MINPP1: variants seen among roughly 807,000 people sequenced by gnomAD.
MINPP1 encodes multiple inositol polyphosphate phosphatase 1.
MINPP1 carries 28 observed loss-of-function variants against 46.1 expected under a neutral mutation model. That is an observed-to-expected ratio of 0.61 (90% confidence interval 0.45 to 0.83). The LOEUF (loss-of-function observed/expected upper bound fraction) is 0.83, where lower values mean the gene tolerates loss of function less well. MINPP1 is among the 40% of genes least tolerant of loss of function. The pLI, the probability that MINPP1 is intolerant of heterozygous loss-of-function variation, is 0.00. For synonymous variants in MINPP1, 268 were observed against 249.1 expected (o/e 1.08, Z -0.72); for missense variants, 603 against 610.0 (o/e 0.99, Z 0.12).
intron 4 of MINPP1, among the ~76,000 whole-genome samples, chr10:87,541,061 G>A (rs1035923059): frequency 1.3e-5 from 2 of 152,082 alleles, no homozygotes; most frequent in Non-Finnish European, 2.9e-5. Context: ...CTCCATTTTT[G>A]GTGTCTGTAT....
intron 4 of MINPP1, among the ~76,000 whole-genome samples, chr10:87,540,569 A>G (rs1376717658): frequency 4.0e-5 from 6 of 151,652 alleles, no homozygotes; most frequent in Admixed American, 1.3e-4. Flanking sequence ...GCTCATACCC[A>G]TTTATTGTTG....
At position 87,504,976 on chromosome 10, in the gene MINPP1, G is replaced by C. The variant is rs775213928; in HGVS notation, c.61G>C (p.Ala21Pro). ...CGTAGCGCCTGCCGCGGCCCTGGCT[G>C]CGGCGCTGCTCTCGTCGCTTGCGCG... ...TSVAPAAALA[A>P]ALLSSLARCS... Residue 21 changes from alanine (A) to proline (P), a missense_variant, in exon 1 of 5, where the codon GCG (alanine) becomes CCG (proline). Ala to Pro is a conservative substitution (Grantham distance 27, BLOSUM62 -1). Transcript: ENST00000371996. The C allele has an allele frequency of 1.2e-6, 2 of 1,612,106 alleles. No individual in the cohort carries two copies. The highest frequency in any genetic ancestry group is 2.2e-5 in the South Asian group (2 of 90,940).
At chr10:87,515,123 A>T (rs1342039303) in intron 3 of MINPP1, among the ~76,000 whole-genome samples, 1 of 151,946 alleles carries the variant, frequency 6.6e-6, no homozygotes, top group Non-Finnish European at 1.5e-5. Flanking sequence ...GTGGTGGTTC[A>T]TGCCTGTAAT....
chr10:87,547,930 A>G (rs1306069071), intron 4 of MINPP1, among the ~76,000 whole-genome samples: 1 of 152,204 alleles, frequency 6.6e-6, no homozygotes, highest in Non-Finnish European at 1.5e-5. Context: ...CTCAAATCCA[A>G]CAGCTTTGCA....
chr10:87,552,337 G>C lies in MINPP1; in HGVS notation c.1323G>C (p.Lys441Asn). Residue 441 changes from lysine (K) to asparagine (N), a missense_variant, in exon 5 of 5, where the codon AAG (lysine) becomes AAC (asparagine). By Grantham distance (94) the Lys-to-Asn change is moderately conservative (BLOSUM62 0). Coordinates refer to ENST00000371996, the MANE Select transcript of MINPP1 (RefSeq NM_004897.5). ...QFRVQMLLNE[K>N]VLPLAYSQET... is the part of the protein sequence containing the mutation. Reference sequence around the variant, plus strand: ...GAGTGCAGATGTTATTAAATGAAAAGGTGTTACCTTTGGCTTACTCACAAG... The same window carrying C: ...GAGTGCAGATGTTATTAAATGAAAACGTGTTACCTTTGGCTTACTCACAAG... 6.2e-7 allele frequency: 1 copy of C among 1,613,750 alleles called. No individual in the cohort carries two copies. Among genetic ancestry groups the C allele is most frequent in the South Asian group, 1.1e-5 (1 of 91,066 alleles).
rs767389525 is a variant in MINPP1 at position 87,505,423 on chromosome 10, A to G, written c.508A>G (p.Ser170Gly). ...RLASLFPALF[S>G]RENYGRLRLI... ...GGCCTCGCTCTTCCCGGCCCTTTTC[A>G]GCCGTGAGAACTACGGCCGCCTGCG... Residue 170 changes from serine to glycine, a missense_variant, in exon 1 of 5, where the codon AGC becomes GGC. Ser to Gly is a moderately conservative substitution (Grantham distance 56). Coordinates refer to ENST00000371996, the MANE Select transcript of MINPP1 (RefSeq NM_004897.5). The surrounding 1 kb of genome is among the most constrained non-coding windows in gnomAD (Gnocchi z 4.4). 1 of 1,613,724 alleles carries G rather than the reference A, an allele frequency of 6.2e-7. No homozygotes were observed.
rs1020867406 is a variant in MINPP1, at chr10:87,535,342, T to C, written c.1067+14173T>C. Among the ~76,000 whole-genome samples the C allele has an allele frequency of 4.6e-5, 7 of 152,236 alleles. No individual in the cohort carries two copies. The East Asian group carries it at 7.7e-4, about 17-fold the overall frequency. On this transcript the variant is annotated intron_variant, in intron 4 of 4. Coordinates refer to ENST00000371996, the MANE Select transcript of MINPP1 (RefSeq NM_004897.5). ...CATGTATGTCTGTGTACCACACAAA[T>C]ACATGTAAAGACACATTTATCTTTT...
At chr10:87,525,177 A>C (rs1291065270) in intron 4 of MINPP1, among the ~76,000 whole-genome samples, 1 of 152,212 alleles carries the variant, frequency 6.6e-6, no homozygotes, top group African/African-American at 2.4e-5. Context: ...TGCACAATTC[A>C]GTGTTTTAGT....
chr10:87,545,500 C>T (rs1348848491), intron 4 of MINPP1, among the ~76,000 whole-genome samples: 1 of 151,974 alleles, frequency 6.6e-6, no homozygotes, highest in African/African-American at 2.4e-5. Flanking sequence ...AAAAAATATG[C>T]AGCATCATAA....
chr10:87,505,410 C>T lies in MINPP1; in HGVS notation c.495C>T (p.Phe165=). 1.2e-5 allele frequency: 19 copies of T among 1,613,928 alleles called. No individual in the cohort carries two copies. Among genetic ancestry groups the T allele is most frequent in the Non-Finnish European group, 1.6e-5 (19 of 1,179,932 alleles). The change falls in exon 1 of 5, where the codon TTC becomes TTT. Residue 165 remains phenylalanine (F), a synonymous_variant. Coordinates refer to ENST00000371996, the MANE Select transcript of MINPP1 (RefSeq NM_004897.5). The surrounding 1 kb of genome is among the most constrained non-coding windows in gnomAD (Gnocchi z 4.4). ...TGGCGCTGCGTCTGGCCTCGCTCTT[C>T]CCGGCCCTTTTCAGCCGTGAGAACT... ...RQLALRLASL[F]PALFSRENYG...
At chr10:87,537,613 G>T (rs1225830906) in intron 4 of MINPP1, among the ~76,000 whole-genome samples, 2 of 148,870 alleles carry the variant, frequency 1.3e-5, no homozygotes, top group African/African-American at 5.0e-5. Flanking sequence ...TTAGTCTATG[G>T]TTTGCCTTTC....
chr10:87,537,083 T>C (rs1851746286), intron 4 of MINPP1, among the ~76,000 whole-genome samples: 1 of 152,126 alleles, frequency 6.6e-6, no homozygotes, highest in Non-Finnish European at 1.5e-5. Context: ...ATTACAGGCA[T>C]GTGCCACCAC....
At chr10:87,545,059 C>T (rs973503357) in intron 4 of MINPP1, among the ~76,000 whole-genome samples, 1 of 152,046 alleles carries the variant, frequency 6.6e-6, no homozygotes, top group African/African-American at 2.4e-5. Flanking sequence ...ATGGGAAAAT[C>T]AAGAATAAAG....
Position 87,549,612 on chromosome 10 carries a change from C to G in MINPP1, c.1068-2470C>G, listed in dbSNP as rs1851934742. ...GCGTATAAATTACTTGCTGAAATGA[C>G]AATAGTTTGGATATATCGTCATATC... On this transcript the variant is annotated intron_variant, in intron 4 of 4. Transcript: ENST00000371996. 2.0e-5 allele frequency among the ~76,000 whole-genome samples: 3 copies of G among 152,166 alleles called. No homozygotes were observed. The South Asian group carries it at 6.2e-4, about 32-fold the overall frequency.
intron 4 of MINPP1, among the ~76,000 whole-genome samples, chr10:87,539,774 G>A (rs980257007): frequency 1.3e-5 from 2 of 152,176 alleles, no homozygotes; most frequent in African/African-American, 4.8e-5. Flanking sequence ...ATGGTTTCAT[G>A]TCCTTTGTGA....
chr10:87,515,242 C>T (rs1461112213), intron 3 of MINPP1, among the ~76,000 whole-genome samples: 1 of 151,798 alleles, frequency 6.6e-6, no homozygotes, highest in South Asian at 2.1e-4. Context: ...AAAAAATTAG[C>T]CAAGCGTGGT....
At chr10:87,549,504 G>C (rs1168779163) in intron 4 of MINPP1, among the ~76,000 whole-genome samples, 2 of 152,184 alleles carry the variant, frequency 1.3e-5, no homozygotes, top group East Asian at 1.9e-4. Context: ...AAAGCAGCTG[G>C]TCTGAGCGAA....
intron 4 of MINPP1, among the ~76,000 whole-genome samples, chr10:87,549,878 T>G (rs965965573): frequency 6.6e-6 from 1 of 152,246 alleles, no homozygotes; most frequent in African/African-American, 2.4e-5. Flanking sequence ...ATATTTATAT[T>G]ACTTGTTTTT....
chr10:87,540,384 A>G (rs1270073359), intron 4 of MINPP1, among the ~76,000 whole-genome samples: 1 of 152,092 alleles, frequency 6.6e-6, no homozygotes, highest in Non-Finnish European at 1.5e-5. Context: ...AATTCGTTTC[A>G]CATTTGTTGT....
Sources: allele counts gnomAD v4.1 joint callset (sites outside exome capture counted in the v4.1 genomes callset), GRCh38; gene constraint gnomAD v4.1.1; non-coding constraint Gnocchi (gnomAD v3.1); transcripts MANE v1.5; gene names NCBI Gene and HGNC (gene_info 2026-07-23, HGNC 2026-07-21).